SH3D19: variants seen among roughly 807,000 people sequenced by gnomAD.
The protein encoded by SH3D19 is SH3 domain containing 19.
SH3D19 carries 58 observed loss-of-function variants against 112.1 expected under a neutral mutation model. That is an observed-to-expected ratio of 0.52 (90% CI 0.42 to 0.64). SH3D19 has a LOEUF of 0.64. Among genes scored for constraint, SH3D19 ranks in the 30% least tolerant of loss-of-function variants. The pLI is 0.00. For synonymous variants in SH3D19, 391 were observed against 448.5 expected (o/e 0.87, Z 1.62); for missense variants, 1,090 against 1,263.4 (o/e 0.86, Z 2.08).
chr4:151,203,326 G>C (rs1242127496), intron 2 of SH3D19, among the ~76,000 whole-genome samples: 2 of 152,210 alleles, frequency 1.3e-5, no homozygotes, highest in African/African-American at 2.4e-5. Context: ...GAAGTCAACA[G>C]TGTGAAGATC....
chr4:151,233,957 C>T (rs1769811104), intron 1 of SH3D19, among the ~76,000 whole-genome samples: 2 of 152,180 alleles, frequency 1.3e-5, no homozygotes, highest in Non-Finnish European at 2.9e-5. Context: ...CAATGCCCTC[C>T]CATTTTCTTT....
intron 11 of SH3D19, among the ~76,000 whole-genome samples, chr4:151,147,273 A>C (rs1754086675): frequency 6.6e-6 from 1 of 152,142 alleles, no homozygotes; most frequent in Non-Finnish European, 1.5e-5. Flanking sequence ...CTCTTAAATG[A>C]AAGGAAAAAC....
intron 7 of SH3D19, among the ~76,000 whole-genome samples, chr4:151,169,789 A>T (rs1237508590): frequency 6.6e-6 from 1 of 152,212 alleles, no homozygotes; most frequent in Admixed American, 6.5e-5. Flanking sequence ...AAATAAAAGC[A>T]TCAGCAGAAG....
intron 1 of SH3D19, among the ~76,000 whole-genome samples, chr4:151,238,207 A>G (rs1770277193): frequency 6.6e-6 from 1 of 152,188 alleles, no homozygotes; most frequent in African/African-American, 2.4e-5. Flanking sequence ...AGAGTCCCCA[A>G]ATGAATTTTC....
intron 1 of SH3D19, among the ~76,000 whole-genome samples, chr4:151,282,575 C>T (rs1253634749): frequency 6.6e-6 from 1 of 152,022 alleles, no homozygotes; most frequent in Non-Finnish European, 1.5e-5. Context: ...TCTTTTTTGA[C>T]ATTTATATTT....
intron 1 of SH3D19, among the ~76,000 whole-genome samples, chr4:151,238,907 A>G (rs1422477630): frequency 2.6e-5 from 4 of 152,160 alleles, no homozygotes; most frequent in East Asian, 1.9e-4. Context: ...TCTCCACTTC[A>G]TTAACTTCCA....
In SH3D19 at chr4:151,127,718, G is replaced by A. The variant is rs1749715328; in HGVS notation, c.2930-3C>T. On this transcript the variant is annotated splice_region_variant and splice_polypyrimidine_tract_variant and intron_variant, in intron 18 of 19. Transcript: ENST00000604030. Reference sequence around the variant, plus strand: ...GGCCAACATACTTTTTGCCTCAGCTGTGAAGACATAAAAAATTTAAATATA... The same window carrying A: ...GGCCAACATACTTTTTGCCTCAGCTATGAAGACATAAAAAATTTAAATATA... 2 of 1,562,904 alleles carry A rather than the reference G, an allele frequency of 1.3e-6. No individual in the cohort carries two copies. The highest frequency in any genetic ancestry group is 2.1e-5 in the Admixed American group (1 of 47,238).
intron 2 of SH3D19, among the ~76,000 whole-genome samples, chr4:151,203,582 C>T (rs1487287417): frequency 2.6e-5 from 4 of 152,116 alleles, no homozygotes; most frequent in Non-Finnish European, 5.9e-5. Flanking sequence ...GCCCCACCAA[C>T]TTATAAAGGT....
intron 2 of SH3D19, among the ~76,000 whole-genome samples, chr4:151,198,043 T>C (rs1580107988): frequency 6.6e-6 from 1 of 152,024 alleles, no homozygotes; most frequent in African/African-American, 2.4e-5. Context: ...CGGTGGCTCA[T>C]GCCTGTAATC....
chr4:151,307,224 G>A (rs1489605736), intron 1 of SH3D19, among the ~76,000 whole-genome samples: 6 of 151,484 alleles, frequency 4.0e-5, no homozygotes, highest in East Asian at 1.9e-4. Context: ...GGGTTTCACC[G>A]TTTTAGCCGG....
At chr4:151,126,569 G>A (rs1044532668) in intron 19 of SH3D19, among the ~76,000 whole-genome samples, 1 of 151,948 alleles carries the variant, frequency 6.6e-6, no homozygotes, top group Non-Finnish European at 1.5e-5. Flanking sequence ...GCTGAGGTGG[G>A]CGGATCACCA....
intron 15 of SH3D19, among the ~76,000 whole-genome samples, chr4:151,133,690 G>A (rs1434718688): frequency 6.6e-6 from 1 of 152,180 alleles, no homozygotes; most frequent in African/African-American, 2.4e-5. Context: ...CAAAGTTGAT[G>A]TTCAATAGAT....
chr4:151,195,029 C>T (rs1414008366), intron 2 of SH3D19, among the ~76,000 whole-genome samples: 8 of 146,372 alleles, frequency 5.5e-5, no homozygotes, highest in Non-Finnish European at 1.0e-4. Flanking sequence ...GAGCCAAGAT[C>T]GTGCACTGCA....
chr4:151,150,912 G>GGATCTCAAAA (rs1394794086), intron 9 of SH3D19, among the ~76,000 whole-genome samples: 4 of 150,676 alleles, frequency 2.7e-5, no homozygotes, highest in Non-Finnish European at 5.9e-5. Context: ...GGATCTCAAA[G>GGATCTCAAAA]CCAAAATTTC....
At chr4:151,181,985 G>GTT (rs879589272) in intron 3 of SH3D19, among the ~76,000 whole-genome samples, 64 of 145,284 alleles carry the variant, frequency 4.4e-4, no homozygotes, top group African/African-American at 1.3e-3. Context: ...CGCTTGTAGG[G>GTT]TTTTTTTTTT....
intron 1 of SH3D19, among the ~76,000 whole-genome samples, chr4:151,321,068 G>A (rs1465889211): frequency 2.6e-5 from 4 of 152,088 alleles, no homozygotes; most frequent in Non-Finnish European, 4.4e-5. Context: ...ACAGCTACAT[G>A]TAACAATACA....
At chr4:151,154,031 G>A (rs562421787) in intron 9 of SH3D19, among the ~76,000 whole-genome samples, 2 of 151,688 alleles carry the variant, frequency 1.3e-5, no homozygotes, top group South Asian at 2.1e-4. Flanking sequence ...GCGCGATCTC[G>A]GCTCACTGCA....
chr4:151,190,903 C>A (rs1762508358), intron 2 of SH3D19, among the ~76,000 whole-genome samples: 1 of 152,184 alleles, frequency 6.6e-6, no homozygotes, highest in Non-Finnish European at 1.5e-5. Context: ...GCACTGTGCT[C>A]CTGGAAAAGC....
chr4:151,228,312 G>A (rs1380547242), intron 1 of SH3D19, among the ~76,000 whole-genome samples: 2 of 152,074 alleles, frequency 1.3e-5, no homozygotes, highest in African/African-American at 4.8e-5. Context: ...GAGGGTAAGG[G>A]TAAATTATCC....
Sources: gnomAD v4.1 joint callset for allele counts (sites outside exome capture counted in the v4.1 genomes callset) on GRCh38, gnomAD v4.1.1 for gene constraint, MANE v1.5 for transcripts, NCBI Gene and HGNC (gene_info 2026-07-23, HGNC 2026-07-21) for gene names.